Variants in OR51B5 observed in about 807,000 individuals in gnomAD.
The protein encoded by OR51B5 is olfactory receptor family 51 subfamily B member 5.
For synonymous variants in OR51B5, 186 were observed against 144.8 expected (o/e 1.28, Z -2.04); for missense variants, 456 against 374.6 (o/e 1.22, Z -1.79).
intron 1 of OR51B5, among the ~76,000 whole-genome samples, chr11:5,407,553 C>T (rs1850076981): frequency 6.6e-6 from 1 of 152,168 alleles, no homozygotes; most frequent in Admixed American, 6.5e-5. Context: ...TTTGATTTCT[C>T]ACACATTATG....
chr11:5,356,829 CT>C (rs1849201886), intron 1 of OR51B5, among the ~76,000 whole-genome samples: 1 of 126,160 alleles, frequency 7.9e-6, no homozygotes, highest in Non-Finnish European at 1.8e-5. Context: ...ATTCAACATC[CT>C]TAAAGGAAAG....
At chr11:5,405,591 G>GA (rs1850046739) in intron 1 of OR51B5, among the ~76,000 whole-genome samples, 2 of 151,900 alleles carry the variant, frequency 1.3e-5, no homozygotes, top group Admixed American at 6.6e-5. Context: ...ATGTTGTTTA[G>GA]AAAAAACTTT....
At chr11:5,362,521 A>T (rs1344921155) in intron 1 of OR51B5, 1 of 160,152 alleles carries the variant, frequency 6.2e-6, no homozygotes, top group Non-Finnish European at 1.4e-5. Flanking sequence ...ATAATTACCT[A>T]GTCAGAGAGC....
At chr11:5,361,121 C>G (rs1275848730) in intron 1 of OR51B5, among the ~76,000 whole-genome samples, 1 of 149,726 alleles carries the variant, frequency 6.7e-6, no homozygotes, top group Non-Finnish European at 1.5e-5. Flanking sequence ...GCAAATGTAC[C>G]CTAAAACTTA....
chr11:5,468,234 C>T (rs1851167589), intron 1 of OR51B5, among the ~76,000 whole-genome samples: 1 of 152,186 alleles, frequency 6.6e-6, no homozygotes, highest in African/African-American at 2.4e-5. Flanking sequence ...GGATTCAGTT[C>T]AAGACTCTCT....
intron 1 of OR51B5, among the ~76,000 whole-genome samples, chr11:5,471,272 G>C (rs1851224097): frequency 6.6e-6 from 1 of 152,070 alleles, no homozygotes; most frequent in South Asian, 2.1e-4. Context: ...CAATGCTTAG[G>C]CAAGTGACAG....
chr11:5,395,169 A>C (rs1849849018), intron 1 of OR51B5, among the ~76,000 whole-genome samples: 1 of 152,192 alleles, frequency 6.6e-6, no homozygotes, highest in African/African-American at 2.4e-5. Flanking sequence ...ACATTCATCA[A>C]GTCTGCGTCC....
At chr11:5,418,733 TG>T (rs976983174) in intron 1 of OR51B5, among the ~76,000 whole-genome samples, 1 of 137,706 alleles carries the variant, frequency 7.3e-6, no homozygotes, top group African/African-American at 2.6e-5. Flanking sequence ...TATCGGGGGA[TG>T]GGGGGTTAGG....
chr11:5,358,220 G>C (rs1246690011), intron 1 of OR51B5, among the ~76,000 whole-genome samples: 1 of 152,078 alleles, frequency 6.6e-6, no homozygotes, highest in Non-Finnish European at 1.5e-5. Flanking sequence ...TTTTCAAAAA[G>C]ATCAACAAAA....
chr11:5,454,577 G>A, intron 1 of OR51B5: 1 of 623,230 alleles, frequency 1.6e-6, no homozygotes. Flanking sequence ...CACAAAACAA[G>A]GAGTTCCAAA....
intron 1 of OR51B5, among the ~76,000 whole-genome samples, chr11:5,446,638 A>G (rs1355570054): frequency 1.3e-5 from 2 of 152,230 alleles, no homozygotes; most frequent in Admixed American, 1.3e-4. Flanking sequence ...AAAGAAAAGA[A>G]TCAAATTTTT....
chr11:5,478,212 C>T (rs955055404), intron 1 of OR51B5, among the ~76,000 whole-genome samples: 7 of 152,164 alleles, frequency 4.6e-5, no homozygotes, highest in South Asian at 2.1e-4. Context: ...CCCTGAACCC[C>T]GAGCAGCCTA....
At chr11:5,451,592 G>A (rs6578647) in intron 1 of OR51B5, among the ~76,000 whole-genome samples, 60,246 of 152,020 alleles carry the variant, frequency 0.4, 13,153 homozygotes, top group Non-Finnish European at 0.5. Flanking sequence ...TGTGAGTTAT[G>A]TATTGCTGGG....
chr11:5,374,561 G>C (rs985264975), intron 1 of OR51B5, among the ~76,000 whole-genome samples: 21 of 152,032 alleles, frequency 1.4e-4, no homozygotes, highest in African/African-American at 4.8e-4. Context: ...TCAAACCAAA[G>C]GCAAAGAAGA....
At chr11:5,386,532 A>G (rs992991629) in intron 1 of OR51B5, among the ~76,000 whole-genome samples, 3 of 152,208 alleles carry the variant, frequency 2.0e-5, no homozygotes, top group Admixed American at 6.5e-5. Context: ...AAATTGGACT[A>G]TCACCACAGA....
intron 1 of OR51B5, chr11:5,430,892 T>TCC (rs549396694): frequency 2.3e-4 from 105 of 457,132 alleles, no homozygotes; most frequent in African/African-American, 2.0e-3. Context: ...TTGAGAGCCT[T>TCC]CCACCGTCCC....
intron 1 of OR51B5, chr11:5,389,708 A>T: frequency 1.9e-6 from 3 of 1,613,870 alleles, no homozygotes; most frequent in Non-Finnish European, 2.5e-6. Context: ...CTCCCATAGT[A>T]TCTACTTTGG....
At chr11:5,441,597 A>G (rs1850690682) in intron 1 of OR51B5, 1 of 1,026,848 alleles carries the variant, frequency 9.7e-7, no homozygotes, top group South Asian at 1.5e-5. Flanking sequence ...CCTGTCTCCA[A>G]CAAAAGGTCA....
chr11:5,478,668 G>A (rs1350187499), intron 1 of OR51B5, among the ~76,000 whole-genome samples: 3 of 151,288 alleles, frequency 2.0e-5, no homozygotes, highest in African/African-American at 7.3e-5. Flanking sequence ...GTGCTTAAAG[G>A]AGCTGATGGA....
Sources: allele counts gnomAD v4.1 joint callset (sites outside exome capture counted in the v4.1 genomes callset), GRCh38; gene constraint gnomAD v4.1.1; transcripts MANE v1.5; gene names NCBI Gene and HGNC (gene_info 2026-07-23, HGNC 2026-07-21).